Variants in HLF observed in about 807,000 individuals in gnomAD.
The protein encoded by HLF is HLF transcription factor, PAR bZIP family member.
HLF carries 3 observed loss-of-function variants against 22.6 expected under a neutral mutation model. The ratio of observed to expected loss-of-function variants is 0.13; its 90% confidence interval spans 0.06 to 0.34. HLF has a LOEUF of 0.34. Ranked by LOEUF, HLF falls within the 10% of genes least tolerant of loss-of-function variation. HLF has a pLI of 1.00. For missense variants in HLF, 299 were observed against 389.2 expected, an observed-to-expected ratio of 0.77 and a Z score of 1.95; for synonymous variants, 151 against 151.8, an observed-to-expected ratio of 0.99 and a Z score of 0.04.
At chr17:55,314,982 C>T (rs1206919442) in intron 2 of HLF, among the ~76,000 whole-genome samples, 1 of 152,228 alleles carries the variant, frequency 6.6e-6, no homozygotes, top group Non-Finnish European at 1.5e-5. Context: ...TTAAATTGGG[C>T]TTCTCCTTCT....
chr17:55,317,280 T>C (rs1905110284), intron 3 of HLF, among the ~76,000 whole-genome samples: 1 of 152,166 alleles, frequency 6.6e-6, no homozygotes, highest in African/African-American at 2.4e-5. Context: ...TTTGTGTATT[T>C]TAAAGCCTCG....
chr17:55,322,470 A>G lies in HLF; in HGVS notation c.*1591A>G, dbSNP rs571835134. 27 of 207,996 alleles carry G rather than the reference A, an allele frequency of 1.3e-4. No homozygotes were observed. The highest frequency in any genetic ancestry group is 5.9e-4 in the African/African-American group (26 of 44,030). The allele number at this position is 207,996 out of a possible 1,614,324, so 12.9% of individuals were successfully genotyped here. A position where few individuals can be genotyped will look rare whatever the true frequency, so the allele number is the denominator to read the frequency against. ...TATTCACCAATGTTGTACAGAGAAG[A>G]AGTGCTTGGGGGTTTTTGAAGTCTT... On this transcript the variant is annotated 3_prime_UTR_variant, in exon 4 of 4. Coordinates refer to ENST00000226067, the MANE Select transcript of HLF (RefSeq NM_002126.5).
intron 2 of HLF, among the ~76,000 whole-genome samples, chr17:55,300,858 G>A (rs1235217707): frequency 6.6e-6 from 1 of 152,202 alleles, no homozygotes; most frequent in African/African-American, 2.4e-5. Flanking sequence ...TGCATCGATA[G>A]TTCCCCGTTC....
At chr17:55,314,246 C>T (rs963254605) in intron 2 of HLF, among the ~76,000 whole-genome samples, 4 of 152,212 alleles carry the variant, frequency 2.6e-5, no homozygotes, top group African/African-American at 9.6e-5. Context: ...GATGTTTGTG[C>T]ATTTCAGTGG....
rs16955844 is a variant in HLF, at chr17:55,300,870, C to T, written c.452-14357C>T. Among the ~76,000 whole-genome samples the T allele has an allele frequency of 5.3e-3, 811 of 152,330 alleles. 6 individuals are homozygous for T. The highest frequency in any genetic ancestry group is 0.019 in the African/African-American group (774 of 41,564). On this transcript the variant is annotated intron_variant, in intron 2 of 3. Transcript: ENST00000226067. ...AATTGCATCGATAGTTCCCCGTTCT[C>T]TTGAGGATAGAACCTGAACATCTAA...
In HLF at chr17:55,264,968, C is replaced by G. The variant is rs568118114; in HGVS notation, c.-517C>G. ...GTGCGGGCCCTGACGTCACTCTTGTCAGGGCCGCGGCACATGGGCGGCCGG... is the reference window on the plus strand; with the variant it reads ...GTGCGGGCCCTGACGTCACTCTTGTGAGGGCCGCGGCACATGGGCGGCCGG... On this transcript the variant is annotated 5_prime_UTR_variant, in exon 1 of 4. Coordinates refer to ENST00000226067, the MANE Select transcript of HLF (RefSeq NM_002126.5). The G allele has an allele frequency of 3.0e-5, 5 of 165,686 alleles. No homozygotes were observed. In the East Asian group the frequency reaches 6.2e-4, roughly 21 times the overall value. The allele number at this position is 165,686 out of a possible 1,614,324, so 10.3% of individuals were successfully genotyped here.
chr17:55,292,760 A>G (rs375687683), intron 2 of HLF, among the ~76,000 whole-genome samples: 11 of 152,348 alleles, frequency 7.2e-5, no homozygotes, highest in East Asian at 3.9e-4. Flanking sequence ...CAGTGGGTGA[A>G]TGGACAAAGA....
chr17:55,301,299 C>T (rs2081155519), intron 2 of HLF, among the ~76,000 whole-genome samples: 1 of 152,240 alleles, frequency 6.6e-6, no homozygotes, highest in African/African-American at 2.4e-5. Context: ...TTTATATATT[C>T]TCAGAGCCTG....
At chr17:55,304,075 A>G (rs1418256494) in intron 2 of HLF, among the ~76,000 whole-genome samples, 2 of 152,130 alleles carry the variant, frequency 1.3e-5, no homozygotes, top group Non-Finnish European at 2.9e-5. Flanking sequence ...ATTCGTGACC[A>G]TCCCTACCCA....
chr17:55,288,110 C>T (rs1381695972), intron 2 of HLF, among the ~76,000 whole-genome samples: 1 of 151,974 alleles, frequency 6.6e-6, no homozygotes, highest in Non-Finnish European at 1.5e-5. Context: ...CTTCAGTGAG[C>T]TGTTTTTCTC....
At chr17:55,303,238 G>T (rs1010235322) in intron 2 of HLF, among the ~76,000 whole-genome samples, 2 of 152,264 alleles carry the variant, frequency 1.3e-5, no homozygotes, top group Admixed American at 6.5e-5. Flanking sequence ...GCTTGAAATG[G>T]TCATCACACC....
chr17:55,301,717 G>A (rs2081158681), intron 2 of HLF, among the ~76,000 whole-genome samples: 1 of 152,226 alleles, frequency 6.6e-6, no homozygotes, highest in African/African-American at 2.4e-5. Context: ...CAGACCAGGA[G>A]GCAATGGGAA....
chr17:55,320,000 G>A (rs1905209209), intron 3 of HLF, among the ~76,000 whole-genome samples: 1 of 152,098 alleles, frequency 6.6e-6, no homozygotes, highest in Non-Finnish European at 1.5e-5. Context: ...CATCTTTCTG[G>A]TGCAGGTGGG....
At chr17:55,314,746 T>C (rs528041994) in intron 2 of HLF, among the ~76,000 whole-genome samples, 16 of 152,330 alleles carry the variant, frequency 1.1e-4, no homozygotes, top group Middle Eastern at 6.8e-3. Context: ...TAGGAAATGC[T>C]CCCTAACCTC....
At chr17:55,277,233 T>TTGTGTG (rs371138892) in intron 2 of HLF, among the ~76,000 whole-genome samples, 33 of 138,954 alleles carry the variant, frequency 2.4e-4, no homozygotes, top group African/African-American at 9.0e-4. Context: ...GAACCAGATG[T>TTGTGTG]TATGTGTATG....
At chr17:55,270,519 G>A (rs1262803903) in intron 2 of HLF, among the ~76,000 whole-genome samples, 1 of 152,210 alleles carries the variant, frequency 6.6e-6, no homozygotes. Context: ...CAGAATAGAA[G>A]TACCAAGTTA....
At chr17:55,277,243 G>A (rs1473895201) in intron 2 of HLF, among the ~76,000 whole-genome samples, 2 of 55,218 alleles carry the variant, frequency 3.6e-5, no homozygotes, top group Non-Finnish European at 6.9e-5. Context: ...TTATGTGTAT[G>A]TGTGTGTGTG....
intron 1 of HLF, chr17:55,266,749 A>G: frequency 8.3e-6 from 7 of 841,950 alleles, no homozygotes; most frequent in Non-Finnish European, 1.0e-5. Context: ...TGAAGATGAA[A>G]CTCAGAAGCA....
chr17:55,313,374 G>A (rs1430948768), intron 2 of HLF, among the ~76,000 whole-genome samples: 1 of 151,916 alleles, frequency 6.6e-6, no homozygotes, highest in African/African-American at 2.4e-5. Flanking sequence ...GTGTGTGTGT[G>A]TGTGTGTGTG....
Sources: allele counts gnomAD v4.1 joint callset (sites outside exome capture counted in the v4.1 genomes callset), GRCh38; gene constraint gnomAD v4.1.1; transcripts MANE v1.5; gene names NCBI Gene and HGNC (gene_info 2026-07-23, HGNC 2026-07-21).